NLRP14: variants seen among roughly 807,000 people sequenced by gnomAD.
NLRP14 encodes NACHT, LRR and PYD domains-containing protein 14.
In NLRP14, 105 loss-of-function variants were observed where a neutral mutation model predicts 94.7. The ratio of observed to expected loss-of-function variants is 1.11; its 90% CI spans 0.95 to 1.30. The LOEUF is 1.30. Ranked by LOEUF, NLRP14 falls within the 50% of genes most tolerant of loss-of-function variation. The probability of loss-of-function intolerance (pLI) is 0.00; values close to 1 mark genes in which losing one functional copy is unlikely to be tolerated. For synonymous variants in NLRP14, 508 were observed against 459.9 expected (o/e 1.10, Z -1.34); for missense variants, 1,362 against 1,254.1 (o/e 1.09, Z -1.30).
In NLRP14 at chr11:7,058,253, ATCTCT is replaced by A. The variant is rs772676070; in HGVS notation, c.2463-22_2463-18del. The A allele has an allele frequency of 3.0e-5, 47 of 1,590,514 alleles. No individual in the cohort carries two copies. The East Asian group carries it at 1.0e-3, about 34-fold the overall frequency. On this transcript the variant is annotated intron_variant, in intron 7 of 11. Transcript: ENST00000299481. ...AAGCATGGGCTTTGGGAATTGACAG[ATCTCT>A]TCTCATCTCTTTCTCTTTCAGCTTA...
At chr11:7,035,898 TA>T (rs1364996539) in intron 1 of NLRP14, among the ~76,000 whole-genome samples, 1 of 152,180 alleles carries the variant, frequency 6.6e-6, no homozygotes, top group African/African-American at 2.4e-5. Context: ...GAAGTGAAAT[TA>T]AAAGGCAATG....
At chr11:7,037,259 A>G (rs758132110) in intron 1 of NLRP14, among the ~76,000 whole-genome samples, 25 of 152,222 alleles carry the variant, frequency 1.6e-4, no homozygotes, top group Non-Finnish European at 2.6e-4. Flanking sequence ...GAATATTTTT[A>G]CCATGTAGTT....
the NLRP14 span, among the ~76,000 whole-genome samples, chr11:7,079,145 A>G: frequency 6.6e-6 from 1 of 152,256 alleles, no homozygotes; most frequent in Admixed American, 6.5e-5. Flanking sequence ...GGGGGGCCAG[A>G]GGAAGAAGAT....
chr11:7,037,731 G>A (rs142624493), intron 1 of NLRP14, among the ~76,000 whole-genome samples: 1 of 152,334 alleles, frequency 6.6e-6, no homozygotes, highest in East Asian at 1.9e-4. Flanking sequence ...AAACCACTCA[G>A]TTAACTGGAA....
downstream of NLRP14, among the ~76,000 whole-genome samples, chr11:7,073,942 C>G (rs1029830742): frequency 1.3e-5 from 2 of 152,078 alleles, no homozygotes; most frequent in African/African-American, 4.8e-5. Context: ...CTTCAGCATC[C>G]CCTTGCTTCT....
At chr11:7,065,862 C>A (rs1852697022) in intron 10 of NLRP14, among the ~76,000 whole-genome samples, 1 of 152,036 alleles carries the variant, frequency 6.6e-6, no homozygotes, top group African/African-American at 2.4e-5. Flanking sequence ...CTCTGCTAGC[C>A]CCCATCCCCC....
chr11:7,045,113 G>T (rs377236991), intron 4 of NLRP14, among the ~76,000 whole-genome samples: 43 of 152,254 alleles, frequency 2.8e-4, no homozygotes, highest in African/African-American at 1.0e-3. Context: ...TACAATTGCA[G>T]AATCACTCCT....
At chr11:7,061,925 T>C (rs1039083016) in intron 9 of NLRP14, among the ~76,000 whole-genome samples, 1 of 152,058 alleles carries the variant, frequency 6.6e-6, no homozygotes, top group Non-Finnish European at 1.5e-5. Flanking sequence ...TAAATATCTT[T>C]TTATATGTAG....
At chr11:7,031,755 C>A (rs1034838339) in intron 1 of NLRP14, among the ~76,000 whole-genome samples, 20 of 152,304 alleles carry the variant, frequency 1.3e-4, no homozygotes, top group African/African-American at 4.3e-4. Context: ...CTTCCCCTAG[C>A]CCCTCTCCCT....
At chr11:7,078,788 C>CA in the NLRP14 span, among the ~76,000 whole-genome samples, 30 of 148,866 alleles carry the variant, frequency 2.0e-4, no homozygotes, top group South Asian at 4.2e-3. Flanking sequence ...CACTCCGTCT[C>CA]AAAAAAAAAA....
In NLRP14 at chr11:7,052,630, T is replaced by C. The variant is rs144775378; in HGVS notation, c.2291+2792T>C. 3.1e-3 allele frequency among the ~76,000 whole-genome samples: 465 copies of C among 151,764 alleles called. 2 individuals carry two copies. Among genetic ancestry groups the C allele is most frequent in the African/African-American group, 0.011 (445 of 41,360 alleles). ...GTCTGGGCAACAGAGCAAGACTGTG[T>C]TTAAAAAAAAACAAAAACAAAGCTG... On this transcript the variant is annotated intron_variant, in intron 6 of 11. Coordinates refer to ENST00000299481, the MANE Select transcript of NLRP14 (RefSeq NM_176822.4).
chr11:7,026,284 A>G (rs541737111), intron 1 of NLRP14, among the ~76,000 whole-genome samples: 2 of 152,358 alleles, frequency 1.3e-5, no homozygotes, highest in African/African-American at 4.8e-5. Flanking sequence ...TCCGGAATCT[A>G]CAATGAACTC....
chr11:7,035,631 G>A lies in NLRP14; in HGVS notation c.-21-2935G>A, dbSNP rs1013601355. ...AGCGACCAAGAAAGGAAATCAATCC[G>A]GACTATATGAAAAGGGTGGAAACAC... On this transcript the variant is annotated intron_variant, in intron 1 of 11. Transcript: ENST00000299481. Among the ~76,000 whole-genome samples the A allele has an allele frequency of 9.2e-5, 14 of 152,076 alleles. No homozygotes were observed. The South Asian group carries it at 1.5e-3, about 16-fold the overall frequency.
At chr11:7,090,142 A>G in the NLRP14 span, 2 of 1,613,412 alleles carry the variant, frequency 1.2e-6, no homozygotes, top group Non-Finnish European at 1.7e-6. Context: ...AGGGGCCGAC[A>G]CCGGGTGGGC....
chr11:7,028,073 C>T (rs966046280), intron 1 of NLRP14, among the ~76,000 whole-genome samples: 16 of 151,932 alleles, frequency 1.1e-4, no homozygotes, highest in African/African-American at 3.9e-4. Flanking sequence ...AATGATCTTC[C>T]ATGGCTTTAA....
chr11:7,090,174 C>T, the NLRP14 span: 1 of 1,613,858 alleles, frequency 6.2e-7, no homozygotes, highest in Non-Finnish European at 8.5e-7. Context: ...TGGGCTCTCT[C>T]TGTCCATGGA....
the NLRP14 span, among the ~76,000 whole-genome samples, chr11:7,081,333 C>T: frequency 6.6e-6 from 1 of 151,984 alleles, no homozygotes; most frequent in African/African-American, 2.4e-5. Flanking sequence ...GCCAAGTGGT[C>T]TAGGTGGTCT....
chr11:7,060,562 T>C (rs866449223), intron 9 of NLRP14, among the ~76,000 whole-genome samples: 5 of 152,202 alleles, frequency 3.3e-5, no homozygotes, highest in Middle Eastern at 3.4e-3. Flanking sequence ...CCTCTACTTT[T>C]ATCCATGAAG....
rs772210441 is a variant in NLRP14 at position 7,049,742 on chromosome 11, T to C, written c.2195T>C (p.Met732Thr). 6.2e-6 allele frequency: 10 copies of C among 1,608,818 alleles called. No individual in the cohort carries two copies. In the Admixed American group the frequency reaches 1.2e-4, roughly 19 times the overall value. Reference protein sequence around the residue: ...STSLIHNKNLMHLDLKGSDIG... With the variant: ...STSLIHNKNLTHLDLKGSDIG... ...TCTTTGATTCATAACAAGAATCTGA[T>C]GCATCTTGACCTAAAAGGGAGTGAT... Residue 732 changes from methionine to threonine, a missense_variant, in exon 6 of 12, where the codon ATG (methionine) becomes ACG (threonine). Transcript: ENST00000299481.
Sources: allele counts gnomAD v4.1 joint callset (sites outside exome capture counted in the v4.1 genomes callset), GRCh38; gene constraint gnomAD v4.1.1; transcripts MANE v1.5; gene names NCBI Gene and HGNC (gene_info 2026-07-23, HGNC 2026-07-21).